The following USH1C variants were observed in gnomAD, a reference collection of about 807,000 sequenced individuals.
USH1C encodes the protein USH1 protein network component harmonin, also known as harmonin.
A neutral mutation model predicts 119.3 loss-of-function variants in USH1C; 90 were observed. The ratio of observed to expected loss-of-function variants is 0.75; its 90% CI spans 0.64 to 0.90. The LOEUF is 0.90. Among genes scored for constraint, USH1C ranks in the 40% least tolerant of loss-of-function variants. The probability of loss-of-function intolerance (pLI) is 0.00; values close to 1 mark genes in which losing one functional copy is unlikely to be tolerated. For missense variants in USH1C, 1,165 were observed against 1,167.7 expected (o/e 1.00, Z 0.03); for synonymous variants, 465 against 443.3 (o/e 1.05, Z -0.62).
At chr11:17,494,863 C>A (rs569757120) in intron 26 of USH1C, 17 of 255,718 alleles carry the variant, frequency 6.6e-5, no homozygotes, top group Non-Finnish European at 1.1e-4. Flanking sequence ...ACGGGCACAT[C>A]CCTATCACAG....
chr11:17,531,611 G>A lies in USH1C; in HGVS notation c.105-69C>T, dbSNP rs1431204712. The A allele has an allele frequency of 2.5e-6, 4 of 1,592,424 alleles. No homozygotes were observed. The highest frequency in any genetic ancestry group is 3.4e-6 in the Non-Finnish European group (4 of 1,172,958). Reference sequence around the variant, plus strand: ...GACCTCAGGCACCCAGGGATTCCAAGAGGAAGCCATTTCAGCCACTGGGCC... The same window carrying A: ...GACCTCAGGCACCCAGGGATTCCAAAAGGAAGCCATTTCAGCCACTGGGCC... On this transcript the variant is annotated intron_variant, in intron 2 of 26. Transcript: ENST00000005226. The surrounding 1 kb of genome is among the most constrained non-coding windows in gnomAD (Gnocchi z 4.2).
At chr11:17,542,092 T>C (rs1037362109) in intron 1 of USH1C, among the ~76,000 whole-genome samples, 15 of 152,194 alleles carry the variant, frequency 9.9e-5, no homozygotes, top group Admixed American at 2.0e-4. Flanking sequence ...ATGGTAACCT[T>C]ATTCGTTAAA....
rs1160285083 is a variant in USH1C at position 17,524,301 on chromosome 11, G to A, written c.759+150C>T. The A allele has an allele frequency of 3.6e-6, 3 of 822,238 alleles. No homozygotes were observed. The East Asian group carries it at 8.0e-5, about 22-fold the overall frequency. 50.9% of individuals were successfully genotyped at this position (822,238 alleles called of 1,614,324 possible). A position where few individuals can be genotyped will look rare whatever the true frequency, so the allele number is the denominator to read the frequency against. The stretch of plus-strand genomic sequence containing the variant: ...GGGTCAAACATCCCCAGTCTGTGAA[G>A]CCTTCTCTGCAGGGTGGGTAGGGCT... On this transcript the variant is annotated intron_variant, in intron 9 of 26. Coordinates refer to ENST00000005226, the MANE Select transcript of USH1C (RefSeq NM_153676.4).
Position 17,527,034 on chromosome 11 carries a change from C to G in USH1C, c.503G>C (p.Gly168Ala), listed in dbSNP as rs1470001070. The change falls in exon 6 of 27, where the codon GGC (glycine) becomes GCC (alanine). Residue 168 changes from glycine to alanine, a missense_variant. Coordinates refer to ENST00000005226, the MANE Select transcript of USH1C (RefSeq NM_153676.4). ...KTVSIKVRHI[G>A]LIPVKSSPDE... ...CTCTCACCTTTTCACGGGGATCAGG[C>G]CGATGTCTGCGGGAGAAAGGCACAG... is the stretch of plus-strand genomic sequence containing the variant. The G allele has an allele frequency of 1.9e-6, 3 of 1,557,170 alleles. No homozygotes were observed. Among genetic ancestry groups the G allele is most frequent in the East Asian group, 4.8e-5 (2 of 41,658 alleles).
chr11:17,504,223 A>G (rs1033279751), intron 20 of USH1C, among the ~76,000 whole-genome samples: 2 of 152,102 alleles, frequency 1.3e-5, no homozygotes, highest in Non-Finnish European at 2.9e-5. Flanking sequence ...AGTGTCAGGC[A>G]GGGTTGGTGA....
Position 17,510,440 on chromosome 11 carries a change from C to T in USH1C, c.1495G>A (p.Glu499Lys), listed in dbSNP as rs372038696. ...WVERLCQTRLEQISSADNEIS... is the reference protein window; with the variant it reads ...WVERLCQTRLKQISSADNEIS... ...TCATTATCAGCAGAGGAAATCTGCT[C>T]GAGGCGCGTTTGACAGAGCCTCTCC... Residue 499 changes from glutamate (E) to lysine (K), a missense_variant, in exon 17 of 27, where the codon GAG becomes AAG. Physicochemically the swap from Glu to Lys is moderately conservative, Grantham distance 56. Coordinates refer to ENST00000005226, the MANE Select transcript of USH1C (RefSeq NM_153676.4). 2.2e-5 allele frequency: 36 copies of T among 1,612,430 alleles called. No individual in the cohort carries two copies. The highest frequency in any genetic ancestry group is 3.3e-5 in the South Asian group (3 of 90,818).
In USH1C at chr11:17,533,370, C is replaced by CCG. The variant is rs1554963818; in HGVS notation, c.37-49_37-48insCG. Reference sequence around the variant, plus strand: ...CACAGCTCCAGGCTCAGCACCCGCCCCCATAGCAGACCTCAGGGAGGAGAG... The same window carrying CCG: ...CACAGCTCCAGGCTCAGCACCCGCCCCGCCATAGCAGACCTCAGGGAGGAGAG... On this transcript the variant is annotated intron_variant, in intron 1 of 26. Transcript: ENST00000005226. 139 of 1,366,916 alleles carry CCG rather than the reference C, an allele frequency of 1.0e-4. No individual in the cohort carries two copies. In the East Asian group the frequency reaches 1.5e-3, roughly 15 times the overall value. 84.7% of individuals were successfully genotyped at this position (1,366,916 alleles called of 1,614,324 possible). A position where few individuals can be genotyped will look rare whatever the true frequency, so the allele number is the denominator to read the frequency against.
chr11:17,511,308 C>A (rs1364837846), intron 16 of USH1C, among the ~76,000 whole-genome samples: 1 of 150,136 alleles, frequency 6.7e-6, no homozygotes, highest in South Asian at 2.1e-4. Context: ...TAGCCTCAGA[C>A]CCATATTCTC....
At chr11:17,530,186 G>A (rs2133913379) in intron 4 of USH1C, among the ~76,000 whole-genome samples, 1 of 152,304 alleles carries the variant, frequency 6.6e-6, no homozygotes, top group Admixed American at 6.5e-5. Context: ...TTGGGATGTT[G>A]ATAACAAACC....
intron 23 of USH1C, among the ~76,000 whole-genome samples, chr11:17,500,467 G>A (rs970546301): frequency 1.3e-5 from 2 of 152,154 alleles, no homozygotes; most frequent in Admixed American, 1.3e-4. Flanking sequence ...TCCATGAAAC[G>A]CTCAGACACA....
intron 4 of USH1C, among the ~76,000 whole-genome samples, chr11:17,527,616 A>C (rs1326103831): frequency 6.6e-6 from 1 of 152,200 alleles, no homozygotes; most frequent in Admixed American, 6.5e-5. Flanking sequence ...AGAAGATCTC[A>C]GAACTCTCTG....
Position 17,527,240 on chromosome 11 carries a change from A to ACTTTCATGGACT in USH1C, c.478_479insAGTCCATGAAAG (p.Thr159_Val160insGluSerMetLys), listed in dbSNP as rs1850742336. 4 of 1,607,882 alleles carry ACTTTCATGGACT rather than the reference A, an allele frequency of 2.5e-6. No homozygotes were observed. Among genetic ancestry groups the ACTTTCATGGACT allele is most frequent in the Non-Finnish European group, 3.4e-6 (4 of 1,177,902 alleles). On this transcript the variant is annotated inframe_insertion, in exon 5 of 27. Coordinates refer to ENST00000005226, the MANE Select transcript of USH1C (RefSeq NM_153676.4). The stretch of plus-strand genomic sequence containing the variant: ...TCACTCACGTCTCACTTTGATGGAC[A>ACTTTCATGGACT]CAGTTTTCTTGGTTCGAATGAGGTT...
chr11:17,509,276 G>C lies in USH1C; in HGVS notation c.2013+80C>G. 8 of 1,480,180 alleles carry C rather than the reference G, an allele frequency of 5.4e-6. No homozygotes were observed. The South Asian group carries it at 1.1e-4, about 21-fold the overall frequency. 91.7% of individuals were successfully genotyped at this position (1,480,180 alleles called of 1,614,324 possible). On this transcript the variant is annotated intron_variant, in intron 18 of 26. Transcript: ENST00000005226. ...TGTTTCTTTCTGTCTCCACTCTCAG[G>C]AGCAGTGGAGGACATGGGAAACAGC... is the stretch of plus-strand genomic sequence containing the variant.
At chr11:17,501,267 C>T (rs1239782575) in intron 22 of USH1C, 117 bp from the exon 23 acceptor site, 30 of 1,046,356 alleles carry the variant, frequency 2.9e-5, no homozygotes, top group South Asian at 6.8e-5. Context: ...ATGGGGTCAC[C>T]GGCAGTGCCA....
At position 17,522,916 on chromosome 11, in the gene USH1C, A is replaced by C; in HGVS notation, c.887T>G (p.Leu296Arg). Reference protein sequence around the residue: ...ISIVAAAGRELFMTDRERLAE... With the variant: ...ISIVAAAGRERFMTDRERLAE... ...CAGCCGCTCCCGGTCTGTCATGAACAGCTCCCGGCCCTCATGGGAGAAAAG... is the reference window on the plus strand; with the variant it reads ...CAGCCGCTCCCGGTCTGTCATGAACCGCTCCCGGCCCTCATGGGAGAAAAG... Residue 296 changes from leucine (L) to arginine (R), a missense_variant, in exon 12 of 27, where the codon CTG becomes CGG. Physicochemically the swap from Leu to Arg is moderately radical, Grantham distance 102. Transcript: ENST00000005226. 1 of 1,611,914 alleles carries C rather than the reference A, an allele frequency of 6.2e-7. No homozygotes were observed.
chr11:17,494,516 G>A lies in USH1C; in HGVS notation c.2656-140C>T, dbSNP rs1849177255. On this transcript the variant is annotated intron_variant, in intron 26 of 26. Transcript: ENST00000005226. Reference sequence around the variant, plus strand: ...CCACCCTTTGGAGACCCCTCTGGGTGCAGGCCCCAAGTGGCTACACACCAG... The same window carrying A: ...CCACCCTTTGGAGACCCCTCTGGGTACAGGCCCCAAGTGGCTACACACCAG... The A allele has an allele frequency of 5.3e-6, 5 of 945,356 alleles. No individual in the cohort carries two copies. The South Asian group carries it at 5.6e-5, about 11-fold the overall frequency. The allele number at this position is 945,356 out of a possible 1,614,324, so 58.6% of individuals were successfully genotyped here. A position where few individuals can be genotyped will look rare whatever the true frequency, so the allele number is the denominator to read the frequency against.
chr11:17,534,494 T>G (rs1592030883), intron 1 of USH1C, among the ~76,000 whole-genome samples: 1 of 152,320 alleles, frequency 6.6e-6, no homozygotes, highest in East Asian at 1.9e-4. Flanking sequence ...GAGGCTTGAC[T>G]CACAGCTTGG....
At chr11:17,524,571 G>T (rs1850574397) in intron 8 of USH1C, 36 bp from the exon 9 acceptor site, 1 of 1,551,196 alleles carries the variant, frequency 6.4e-7, no homozygotes, top group South Asian at 1.2e-5. Flanking sequence ...CGGGATTCAG[G>T]TAACCCATGT....
intron 1 of USH1C, among the ~76,000 whole-genome samples, chr11:17,541,139 C>T (rs1238025007): frequency 1.3e-5 from 2 of 152,228 alleles, no homozygotes; most frequent in African/African-American, 4.8e-5. Flanking sequence ...TCAGATGTCA[C>T]CTCTTCAGAG....
Sources: gnomAD v4.1 joint callset for allele counts (sites outside exome capture counted in the v4.1 genomes callset) on GRCh38, gnomAD v4.1.1 for gene constraint, Gnocchi (gnomAD v3.1) non-coding constraint, MANE v1.5 for transcripts, NCBI Gene and HGNC (gene_info 2026-07-23, HGNC 2026-07-21) for gene names.